SMIM35: variants seen among roughly 807,000 people sequenced by gnomAD.
SMIM35 encodes small integral membrane protein 35.
Position 118,014,819 on chromosome 11 carries a change from C to T in SMIM35, c.125-78G>A, listed in dbSNP as rs376733997. 1.3e-5 allele frequency: 5 copies of T among 398,388 alleles called. No individual in the cohort carries two copies. In the South Asian group the frequency reaches 5.1e-4, roughly 41 times the overall value. The allele number at this position is 398,388 out of a possible 1,614,324, so 24.7% of individuals were successfully genotyped here. On this transcript the variant is annotated intron_variant, in intron 2 of 4. Transcript: ENST00000689828. ...GCCACCCTTCTAAGAACGTCTGGTG[C>T]TCCCTCACCCCTGTCTGGAGGAGTA...
At chr11:118,037,973 T>C (rs558433928) in intron 1 of SMIM35, among the ~76,000 whole-genome samples, 1 of 152,314 alleles carries the variant, frequency 6.6e-6, no homozygotes, top group South Asian at 2.1e-4. Context: ...TTCAGAGTTG[T>C]GGAGGACTGA....
At chr11:118,042,610 G>A (rs1379497783) in intron 1 of SMIM35, among the ~76,000 whole-genome samples, 2 of 152,112 alleles carry the variant, frequency 1.3e-5, no homozygotes, top group Admixed American at 6.6e-5. Flanking sequence ...CATTTTATAA[G>A]GCAAATATTA....
chr11:118,047,392 G>A (rs1944115080), intron 1 of SMIM35, among the ~76,000 whole-genome samples: 1 of 152,232 alleles, frequency 6.6e-6, no homozygotes, highest in Non-Finnish European at 1.5e-5. Flanking sequence ...TCCAAAGAAT[G>A]AGCCCTGGCC....
chr11:118,025,647 T>A (rs1451380624), intron 1 of SMIM35: 7 of 445,362 alleles, frequency 1.6e-5, no homozygotes, highest in Non-Finnish European at 3.1e-5. Flanking sequence ...TTATTTGGTC[T>A]TTGCTTGTCA....
chr11:118,073,274 G>A (rs972784007), intron 1 of SMIM35, among the ~76,000 whole-genome samples: 1 of 152,318 alleles, frequency 6.6e-6, no homozygotes, highest in East Asian at 1.9e-4. Flanking sequence ...ACCCTATGAG[G>A]TCAGAAGTAT....
chr11:118,048,478 A>T (rs1360378895), intron 1 of SMIM35, among the ~76,000 whole-genome samples: 1 of 151,850 alleles, frequency 6.6e-6, no homozygotes, highest in Non-Finnish European at 1.5e-5. Context: ...GCGCCACTGC[A>T]CTCCAGCCTG....
At chr11:118,065,670 G>T (rs533282040) in intron 1 of SMIM35, among the ~76,000 whole-genome samples, 4 of 152,096 alleles carry the variant, frequency 2.6e-5, no homozygotes. Flanking sequence ...TTTACATAGG[G>T]TGTACACTAA....
rs146973359 is a variant in SMIM35, at chr11:118,041,518, A to C, written c.8-25709T>G. 7.9e-3 allele frequency among the ~76,000 whole-genome samples: 1,207 copies of C among 152,338 alleles called. 17 individuals carry two copies. Among genetic ancestry groups the C allele is most frequent in the African/African-American group, 0.027 (1,110 of 41,568 alleles). On this transcript the variant is annotated intron_variant, in intron 1 of 4. Transcript: ENST00000689828. Reference sequence around the variant, plus strand: ...CAAAATAAATGGGAATAATTCTACAAATATGTGGAAATTAAACAACACACT... The same window carrying C: ...CAAAATAAATGGGAATAATTCTACACATATGTGGAAATTAAACAACACACT...
intron 1 of SMIM35, among the ~76,000 whole-genome samples, chr11:118,075,118 A>T (rs1290412124): frequency 6.6e-6 from 1 of 152,196 alleles, no homozygotes; most frequent in Non-Finnish European, 1.5e-5. Flanking sequence ...AACCAAGACA[A>T]CTGAAAACGT....
chr11:118,010,531 A>T (rs1312316059), intron 4 of SMIM35, among the ~76,000 whole-genome samples: 2 of 152,258 alleles, frequency 1.3e-5, no homozygotes, highest in Non-Finnish European at 2.9e-5. Flanking sequence ...CCTATGGAAC[A>T]TAACTTTGTT....
intron 1 of SMIM35, among the ~76,000 whole-genome samples, chr11:118,022,331 G>C (rs983090365): frequency 9.2e-5 from 14 of 152,132 alleles, no homozygotes; most frequent in African/African-American, 3.4e-4. Context: ...TTACAGGCGT[G>C]AGCCACCGCC....
intron 1 of SMIM35, among the ~76,000 whole-genome samples, chr11:118,017,400 G>A (rs1032396750): frequency 9.2e-5 from 14 of 152,336 alleles, no homozygotes; most frequent in African/African-American, 3.1e-4. Context: ...AAGAGTTGCT[G>A]TCATGGCATG....
intron 1 of SMIM35, among the ~76,000 whole-genome samples, chr11:118,039,529 G>A (rs11216722): frequency 0.04 from 6,023 of 151,872 alleles, 200 homozygotes; most frequent in East Asian, 0.19. Flanking sequence ...GGGAAACATG[G>A]CAAAACTCCA....
At chr11:118,066,461 T>G (rs182084496) in intron 1 of SMIM35, among the ~76,000 whole-genome samples, 1 of 152,294 alleles carries the variant, frequency 6.6e-6, no homozygotes, top group East Asian at 1.9e-4. Flanking sequence ...ATCCTCCTGC[T>G]TAAACTCCTA....
chr11:118,018,944 G>C lies in SMIM35; in HGVS notation c.8-3135C>G, dbSNP rs529048014. On this transcript the variant is annotated intron_variant, in intron 1 of 4. Transcript: ENST00000689828. ...ATGAAGAACAGCCATGTGCCTACTAGTAATTTTTCAAAGAATTCTAAAATG... is the reference window on the plus strand; with the variant it reads ...ATGAAGAACAGCCATGTGCCTACTACTAATTTTTCAAAGAATTCTAAAATG... 1.7e-4 allele frequency among the ~76,000 whole-genome samples: 25 copies of C among 150,046 alleles called. 2 individuals carry two copies. The East Asian group carries it at 2.4e-3, about 15-fold the overall frequency.
chr11:118,077,410 C>A (rs1944739746), intron 1 of SMIM35: 2 of 1,361,506 alleles, frequency 1.5e-6, no homozygotes, highest in Non-Finnish European at 2.0e-6. Context: ...TCTGTGACAC[C>A]TTCTAGGTTA....
chr11:118,032,949 T>C, intron 1 of SMIM35, among the ~76,000 whole-genome samples: 1 of 152,080 alleles, frequency 6.6e-6, no homozygotes, highest in East Asian at 1.9e-4. Flanking sequence ...TTCTGGAGAG[T>C]GAGATTATGT....
At chr11:118,067,853 C>CA (rs1944503483) in intron 1 of SMIM35, among the ~76,000 whole-genome samples, 1 of 70,886 alleles carries the variant, frequency 1.4e-5, no homozygotes, top group Non-Finnish European at 2.7e-5. Flanking sequence ...CACAAAACAA[C>CA]AACAAACATA....
intron 1 of SMIM35, among the ~76,000 whole-genome samples, chr11:118,054,906 C>T (rs999341530): frequency 4.6e-5 from 7 of 151,372 alleles, no homozygotes; most frequent in Non-Finnish European, 1.5e-5. Flanking sequence ...CAGGTTCAAG[C>T]GATTCTCCTA....
Sources: gnomAD v4.1 joint callset for allele counts (sites outside exome capture counted in the v4.1 genomes callset) on GRCh38, gnomAD v4.1.1 for gene constraint, MANE v1.5 for transcripts, NCBI Gene and HGNC (gene_info 2026-07-23, HGNC 2026-07-21) for gene names.